NUDT4: variants seen among roughly 807,000 people sequenced by gnomAD.
NUDT4 encodes the protein nudix hydrolase 4.
NUDT4 carries 5 observed loss-of-function variants against 23.1 expected under a neutral mutation model. That is an observed-to-expected ratio of 0.22 (90% CI 0.11 to 0.46). The LOEUF is 0.46. Among genes scored for constraint, NUDT4 ranks in the 20% least tolerant of loss-of-function variants. The probability of loss-of-function intolerance (pLI) is 0.99; values close to 1 mark genes in which losing one functional copy is unlikely to be tolerated. For synonymous variants in NUDT4, 50 were observed against 79.0 expected (o/e 0.63, Z 1.95); for missense variants, 96 against 211.6 (o/e 0.45, Z 3.39).
chr12:93,378,492 C>T (rs1051045445), intron 1 of NUDT4, 71 bp downstream of exon 1: 10 of 1,404,214 alleles, frequency 7.1e-6, no homozygotes, highest in African/African-American at 3.0e-5. Flanking sequence ...TCCCCTCGCT[C>T]CCCGCCCCTG....
In NUDT4 at chr12:93,400,395, T is replaced by C. The variant is rs1364184712; in HGVS notation, c.*1016T>C. The stretch of plus-strand genomic sequence containing the variant: ...TTAGGGCACCTTAGAATGTCTCATC[T>C]TTTCTAGGTTGTCAACAGGTACTAT... On this transcript the variant is annotated 3_prime_UTR_variant, in exon 5 of 5. Coordinates refer to ENST00000415493, the MANE Select transcript of NUDT4 (RefSeq NM_019094.6). 6.6e-6 allele frequency: 1 copy of C among 152,252 alleles called. No homozygotes were observed. The highest frequency in any genetic ancestry group is 1.5e-5 in the Non-Finnish European group (1 of 68,046). 9.4% of individuals were successfully genotyped at this position (152,252 alleles called of 1,614,324 possible).
chr12:93,384,000 T>G (rs1299865852), intron 1 of NUDT4, among the ~76,000 whole-genome samples: 1 of 152,108 alleles, frequency 6.6e-6, no homozygotes, highest in African/African-American at 2.4e-5. Flanking sequence ...GCCATGACAA[T>G]TGCATCTTTA....
At chr12:93,385,410 T>C (rs772945371) in intron 1 of NUDT4, among the ~76,000 whole-genome samples, 1 of 152,192 alleles carries the variant, frequency 6.6e-6, no homozygotes, top group Non-Finnish European at 1.5e-5. Context: ...AGCTCTGATT[T>C]ATCTGGAAGG....
At chr12:93,378,456 GC>G in intron 1 of NUDT4, 35 bp downstream of exon 1, 1 of 1,522,380 alleles carries the variant, frequency 6.6e-7, no homozygotes, top group Non-Finnish European at 8.8e-7. Flanking sequence ...GCCCTCCGGG[GC>G]GCCGGGGTCT....
At chr12:93,383,045 A>C (rs2120865806) in intron 1 of NUDT4, among the ~76,000 whole-genome samples, 1 of 150,034 alleles carries the variant, frequency 6.7e-6, no homozygotes, top group South Asian at 2.1e-4. Context: ...CCGTCATTAA[A>C]CCAGGCATTA....
intron 1 of NUDT4, among the ~76,000 whole-genome samples, chr12:93,381,754 G>A (rs1875675797): frequency 2.0e-5 from 3 of 152,246 alleles, no homozygotes. Flanking sequence ...CACTTCAAAT[G>A]TAAGGTTGAG....
At position 93,404,558 on chromosome 12, in the gene NUDT4, T is replaced by C. The variant is rs1301956545; in HGVS notation, c.*5179T>C. 6.6e-6 allele frequency: 1 copy of C among 152,202 alleles called. No homozygotes were observed. Among genetic ancestry groups the C allele is most frequent in the East Asian group, 1.9e-4 (1 of 5,202 alleles). 9.4% of individuals were successfully genotyped at this position (152,202 alleles called of 1,614,324 possible). ...TAGGATTTATGAAACTGGTACCAAT[T>C]TAATATTCAAATGTGATTAAGTCAT... On this transcript the variant is annotated 3_prime_UTR_variant, in exon 5 of 5. Transcript: ENST00000415493.
At position 93,406,446 on chromosome 12, in the gene NUDT4, C is replaced by T. The variant is rs951402501; in HGVS notation, c.*7067C>T. The T allele has an allele frequency of 6.6e-6, 1 of 152,070 alleles. No homozygotes were observed. The highest frequency in any genetic ancestry group is 1.5e-5 in the Non-Finnish European group (1 of 68,028). 9.4% of individuals were successfully genotyped at this position (152,070 alleles called of 1,614,324 possible). A position where few individuals can be genotyped will look rare whatever the true frequency, so the allele number is the denominator to read the frequency against. On this transcript the variant is annotated 3_prime_UTR_variant, in exon 5 of 5. Coordinates refer to ENST00000415493, the MANE Select transcript of NUDT4 (RefSeq NM_019094.6). Reference sequence around the variant, plus strand: ...CATTCTCCATCAAACAACCATAGCACCTGTGACTTTTATCTGTTGGTTTGT... The same window carrying T: ...CATTCTCCATCAAACAACCATAGCATCTGTGACTTTTATCTGTTGGTTTGT...
intron 1 of NUDT4, among the ~76,000 whole-genome samples, chr12:93,387,596 C>G (rs1343297247): frequency 1.3e-5 from 2 of 152,300 alleles, no homozygotes; most frequent in South Asian, 2.1e-4. Context: ...AACCCCTTGC[C>G]TAAAAAGTTG....
Position 93,408,117 on chromosome 12 carries a change from T to A in NUDT4, c.*8738T>A, listed in dbSNP as rs150815057. On this transcript the variant is annotated 3_prime_UTR_variant, in exon 5 of 5. Coordinates refer to ENST00000415493, the MANE Select transcript of NUDT4 (RefSeq NM_019094.6). The stretch of plus-strand genomic sequence containing the variant: ...TAACCATGAGCAATATTACGGGCAG[T>A]AAATGTTGATTTCTATTTCGTTTCT... The A allele has an allele frequency of 8.5e-4, 129 of 152,366 alleles. No homozygotes were observed. Among genetic ancestry groups the A allele is most frequent in the African/African-American group, 3.0e-3 (125 of 41,600 alleles). The allele number at this position is 152,366 out of a possible 1,614,324, so 9.4% of individuals were successfully genotyped here. A position where few individuals can be genotyped will look rare whatever the true frequency, so the allele number is the denominator to read the frequency against.
At chr12:93,385,968 T>TATATATATATATATAC (rs1555193197) in intron 1 of NUDT4, among the ~76,000 whole-genome samples, 18 of 133,616 alleles carry the variant, frequency 1.3e-4, no homozygotes, top group African/African-American at 4.8e-4. Flanking sequence ...TATATATATA[T>TATATATATATATATAC]ATACATAATT....
At chr12:93,395,289 A>C (rs541281509) in intron 2 of NUDT4, among the ~76,000 whole-genome samples, 200 bp from the exon 3 acceptor site, 14 of 152,172 alleles carry the variant, frequency 9.2e-5, no homozygotes, top group Admixed American at 2.6e-4. Context: ...CCCAGCCAGA[A>C]ATACTAATTT....
At chr12:93,394,205 T>G (rs1040141139) in intron 1 of NUDT4, among the ~76,000 whole-genome samples, 4 of 152,210 alleles carry the variant, frequency 2.6e-5, no homozygotes, top group African/African-American at 9.6e-5. Context: ...GGTTTCACCA[T>G]GTTAGCCAGG....
intron 1 of NUDT4, among the ~76,000 whole-genome samples, chr12:93,389,608 A>C (rs1184527602): frequency 1.3e-5 from 2 of 152,040 alleles, no homozygotes; most frequent in Non-Finnish European, 2.9e-5. Flanking sequence ...ATTGGTTTTA[A>C]ATCTGAAGCA....
chr12:93,394,334 A>G (rs556954670), intron 1 of NUDT4, among the ~76,000 whole-genome samples: 3 of 152,296 alleles, frequency 2.0e-5, no homozygotes, highest in South Asian at 2.1e-4. Context: ...TTATTATCCA[A>G]TAATTTGAGA....
chr12:93,380,631 T>A (rs1875594119), intron 1 of NUDT4, among the ~76,000 whole-genome samples: 1 of 152,240 alleles, frequency 6.6e-6, no homozygotes, highest in African/African-American at 2.4e-5. Context: ...CAGCCAATTT[T>A]AACATCTGGT....
intron 1 of NUDT4, among the ~76,000 whole-genome samples, chr12:93,383,726 G>C (rs1377121842): frequency 6.6e-6 from 1 of 152,132 alleles, no homozygotes; most frequent in Non-Finnish European, 1.5e-5. Flanking sequence ...TGGCTACTCC[G>C]GAGGCTGAGG....
At chr12:93,394,134 C>G (rs532401937) in intron 1 of NUDT4, among the ~76,000 whole-genome samples, 3 of 152,016 alleles carry the variant, frequency 2.0e-5, no homozygotes, top group East Asian at 1.9e-4. Flanking sequence ...TCCCAAGTAG[C>G]TGGGACTATA....
intron 1 of NUDT4, 78 bp downstream of exon 1, chr12:93,378,499 C>T (rs1238420775): frequency 5.8e-6 from 8 of 1,378,882 alleles, no homozygotes; most frequent in South Asian, 1.5e-5. Context: ...GCTCCCCGCC[C>T]CTGCGCAGGC....
Sources: gnomAD v4.1 joint callset for allele counts (sites outside exome capture counted in the v4.1 genomes callset) on GRCh38, gnomAD v4.1.1 for gene constraint, MANE v1.5 for transcripts, NCBI Gene and HGNC (gene_info 2026-07-23, HGNC 2026-07-21) for gene names.